The following CSMD1 variants were observed in gnomAD, a reference collection of about 807,000 sequenced individuals.
CSMD1 encodes the protein CUB and sushi domain-containing protein 1.
CSMD1 carries 213 observed loss-of-function variants against 417.5 expected under a neutral mutation model. The ratio of observed to expected loss-of-function variants is 0.51; its 90% CI spans 0.46 to 0.57. The LOEUF is 0.57. CSMD1 is among the 20% of genes least tolerant of loss of function. The probability of loss-of-function intolerance (pLI) is 0.00; values close to 1 mark genes in which losing one functional copy is unlikely to be tolerated. For synonymous variants in CSMD1, 2,862 were observed against 1,736.8 expected, an observed-to-expected ratio of 1.65 and a Z score of -16.11; for missense variants, 6,923 against 4,529.7, an observed-to-expected ratio of 1.53 and a Z score of -15.17.
At chr8:4,242,097 T>C (rs1802439162) in intron 3 of CSMD1, among the ~76,000 whole-genome samples, 1 of 152,194 alleles carries the variant, frequency 6.6e-6, no homozygotes, top group Non-Finnish European at 1.5e-5. Flanking sequence ...TTTTGCATCA[T>C]CATGAATTCT....
chr8:3,970,036 G>C (rs1201096217), intron 5 of CSMD1, among the ~76,000 whole-genome samples: 1 of 152,126 alleles, frequency 6.6e-6, no homozygotes, highest in Non-Finnish European at 1.5e-5. Flanking sequence ...TTTCCCTTCA[G>C]CATACTGAGC....
At position 4,385,580 on chromosome 8, in the gene CSMD1, GGAGT is replaced by G. The variant is rs1250702923; in HGVS notation, c.415+34369_415+34372del. Among the ~76,000 whole-genome samples the G allele has an allele frequency of 3.3e-5, 5 of 152,190 alleles. No homozygotes were observed. In the East Asian group the frequency reaches 5.8e-4, roughly 18 times the overall value. ...CATTACTACAGTGTATTGTTTTTAA[GGAGT>G]AAGAATGTTATTAATTGCTGATTTA... On this transcript the variant is annotated intron_variant, in intron 3 of 69. Coordinates refer to ENST00000635120, the MANE Select transcript of CSMD1 (RefSeq NM_033225.6).
intron 3 of CSMD1, among the ~76,000 whole-genome samples, chr8:4,152,111 A>C (rs893271765): frequency 1.3e-5 from 2 of 152,190 alleles, no homozygotes; most frequent in South Asian, 2.1e-4. Context: ...GGTAATATAC[A>C]GGAAATTGTA....
At chr8:3,454,473 G>C (rs1045059085) in intron 12 of CSMD1, among the ~76,000 whole-genome samples, 7 of 152,124 alleles carry the variant, frequency 4.6e-5, no homozygotes, top group South Asian at 2.1e-4. Context: ...TCCATGTTTT[G>C]TGCTTCCTTC....
intron 17 of CSMD1, among the ~76,000 whole-genome samples, chr8:3,392,239 A>C (rs1236730080): frequency 6.6e-6 from 1 of 152,172 alleles, no homozygotes; most frequent in African/African-American, 2.4e-5. Context: ...CATGTACCCT[A>C]AAACTTAAAG....
At chr8:4,267,823 T>C (rs1484983260) in intron 3 of CSMD1, among the ~76,000 whole-genome samples, 1 of 152,136 alleles carries the variant, frequency 6.6e-6, no homozygotes, top group Admixed American at 6.5e-5. Context: ...GTGCAAAATA[T>C]AAAGTGTATA....
In CSMD1 at chr8:4,141,959, T is replaced by G. The variant is rs371345481; in HGVS notation, c.416-109860A>C. Among the ~76,000 whole-genome samples, 3 of 151,080 alleles carry G rather than the reference T, an allele frequency of 2.0e-5. 1 individual carries two copies. Among genetic ancestry groups the G allele is most frequent in the African/African-American group, 7.4e-5 (3 of 40,392 alleles). On this transcript the variant is annotated intron_variant, in intron 3 of 69. Coordinates refer to ENST00000635120, the MANE Select transcript of CSMD1 (RefSeq NM_033225.6). ...TCCAAAATAACATCATGGTGTTAATTTGTTTATAAATTATGACATTAAATT... is the reference window on the plus strand; with the variant it reads ...TCCAAAATAACATCATGGTGTTAATGTGTTTATAAATTATGACATTAAATT...
chr8:4,093,617 C>T (rs187481458), intron 3 of CSMD1, among the ~76,000 whole-genome samples: 3 of 151,898 alleles, frequency 2.0e-5, no homozygotes, highest in African/African-American at 7.3e-5. Flanking sequence ...ATTTGAAAGT[C>T]GAATTTAAGC....
intron 1 of CSMD1, among the ~76,000 whole-genome samples, chr8:4,816,046 G>T (rs986726639): frequency 1.3e-5 from 2 of 152,180 alleles, no homozygotes; most frequent in African/African-American, 4.8e-5. Context: ...CTTACCAGGT[G>T]CACAGATAAA....
chr8:3,084,027 G>C (rs897972962), intron 49 of CSMD1, among the ~76,000 whole-genome samples: 2 of 152,002 alleles, frequency 1.3e-5, no homozygotes, highest in African/African-American at 4.8e-5. Context: ...TTTTGTTGTT[G>C]TTGTTGTCAT....
chr8:4,139,456 G>C (rs559725518), intron 3 of CSMD1, among the ~76,000 whole-genome samples: 1 of 144,454 alleles, frequency 6.9e-6, no homozygotes, highest in Non-Finnish European at 1.5e-5. Context: ...GCCTGCCCTG[G>C]AGGCGTGGAC....
At chr8:2,974,164 C>T (rs1168111549) in intron 56 of CSMD1, among the ~76,000 whole-genome samples, 2 of 152,072 alleles carry the variant, frequency 1.3e-5, no homozygotes, top group African/African-American at 2.4e-5. Context: ...AAAGAGCGAA[C>T]AGGGACACAC....
intron 1 of CSMD1, among the ~76,000 whole-genome samples, chr8:4,920,956 A>G (rs56799248): frequency 8.5e-5 from 1 of 11,756 alleles, no homozygotes; most frequent in Non-Finnish European, 2.3e-4. Flanking sequence ...GAAAGAAAGA[A>G]AGAAAGAAAG....
intron 33 of CSMD1, among the ~76,000 whole-genome samples, chr8:3,199,193 C>G (rs1796861208): frequency 6.6e-6 from 1 of 151,922 alleles, no homozygotes; most frequent in African/African-American, 2.4e-5. Context: ...TAAAAGTACC[C>G]AAAGTTAATA....
intron 1 of CSMD1, among the ~76,000 whole-genome samples, chr8:4,808,265 C>A (rs1798701178): frequency 6.6e-6 from 1 of 152,136 alleles, no homozygotes; most frequent in African/African-American, 2.4e-5. Context: ...GCATTTACTA[C>A]AGATGCTGGT....
intron 1 of CSMD1, among the ~76,000 whole-genome samples, chr8:4,642,727 G>A (rs919661978): frequency 6.6e-6 from 1 of 152,172 alleles, no homozygotes; most frequent in African/African-American, 2.4e-5. Context: ...GTGTAGCTTA[G>A]CCTTTGCTTT....
chr8:4,276,602 T>G (rs1356062628), intron 3 of CSMD1, among the ~76,000 whole-genome samples: 1 of 152,090 alleles, frequency 6.6e-6, no homozygotes, highest in African/African-American at 2.4e-5. Context: ...AAAAATAAAT[T>G]TAATAAAAAA....
At chr8:3,609,590 G>C (rs1047565611) in intron 8 of CSMD1, among the ~76,000 whole-genome samples, 1 of 151,924 alleles carries the variant, frequency 6.6e-6, no homozygotes, top group African/African-American at 2.4e-5. Flanking sequence ...TATTTTACCA[G>C]CCTAAAAAAG....
At chr8:3,045,459 G>A (rs892581848) in intron 50 of CSMD1, among the ~76,000 whole-genome samples, 5 of 152,092 alleles carry the variant, frequency 3.3e-5, no homozygotes, top group South Asian at 2.1e-4. Flanking sequence ...GCACAAAACC[G>A]TTCTATTGAT....
Sources: allele counts gnomAD v4.1 joint callset (sites outside exome capture counted in the v4.1 genomes callset), GRCh38; gene constraint gnomAD v4.1.1; transcripts MANE v1.5; gene names NCBI Gene and HGNC (gene_info 2026-07-23, HGNC 2026-07-21).